Variants in KIAA0825 observed in about 807,000 individuals in gnomAD.
KIAA0825 encodes KIAA0825.
In KIAA0825, 119 loss-of-function variants were observed where a neutral mutation model predicts 147.6. That is an observed-to-expected ratio of 0.81 (90% CI 0.69 to 0.94). The LOEUF is 0.94. KIAA0825 is among the 40% of genes least tolerant of loss of function. The pLI, the probability that KIAA0825 is intolerant of heterozygous loss-of-function variation, is 0.00. For missense variants in KIAA0825, 1,381 were observed against 1,472.7 expected (o/e 0.94, Z 1.02); for synonymous variants, 470 against 518.1 (o/e 0.91, Z 1.26).
chr5:94,272,125 A>G (rs1174186006), intron 20 of KIAA0825, among the ~76,000 whole-genome samples: 1 of 151,368 alleles, frequency 6.6e-6, no homozygotes, highest in East Asian at 1.9e-4. Flanking sequence ...AAAAAAAAAA[A>G]AAAAAAACTA....
At chr5:94,355,915 T>A (rs1784191510) in intron 20 of KIAA0825, among the ~76,000 whole-genome samples, 1 of 152,200 alleles carries the variant, frequency 6.6e-6, no homozygotes, top group South Asian at 2.1e-4. Context: ...TGAAAACTAG[T>A]AAGAGAAAAG....
chr5:94,555,824 CAT>C (rs1459584893), intron 2 of KIAA0825, among the ~76,000 whole-genome samples: 7 of 152,270 alleles, frequency 4.6e-5, no homozygotes, highest in South Asian at 2.1e-4. Flanking sequence ...ATATATTTCA[CAT>C]GATTTCAAAG....
intron 20 of KIAA0825, among the ~76,000 whole-genome samples, chr5:94,243,945 A>C (rs185205748): frequency 4.1e-4 from 63 of 152,240 alleles, no homozygotes; most frequent in Non-Finnish European, 8.8e-5. Flanking sequence ...GGCTCTCCAG[A>C]GATATTTCAC....
chr5:94,520,041 T>C, intron 5 of KIAA0825: 1 of 1,133,998 alleles, frequency 8.8e-7, no homozygotes, highest in Non-Finnish European at 1.1e-6. Context: ...TTCCAATATC[T>C]TTAACAATTT....
At chr5:94,478,192 T>C (rs1405572182) in intron 6 of KIAA0825, among the ~76,000 whole-genome samples, 2 of 152,190 alleles carry the variant, frequency 1.3e-5, no homozygotes, top group African/African-American at 4.8e-5. Flanking sequence ...GTTGATGAAA[T>C]AGAAGTGTTT....
intron 20 of KIAA0825, among the ~76,000 whole-genome samples, chr5:94,214,774 A>T (rs1773053791): frequency 6.6e-6 from 1 of 152,220 alleles, no homozygotes; most frequent in Admixed American, 6.6e-5. Flanking sequence ...CCAGTTACTG[A>T]GCTTTAAGAC....
At chr5:94,372,257 GGGTCTGGA>G (rs1316288591) in intron 20 of KIAA0825, among the ~76,000 whole-genome samples, 31 of 152,164 alleles carry the variant, frequency 2.0e-4, no homozygotes, top group Admixed American at 2.0e-3. Flanking sequence ...TACTATTCTG[GGGTCTGGA>G]GGATAGTGGC....
intron 3 of KIAA0825, among the ~76,000 whole-genome samples, chr5:94,526,694 T>G (rs188791310): frequency 6.6e-6 from 1 of 152,202 alleles, no homozygotes; most frequent in East Asian, 1.9e-4. Flanking sequence ...CTGTAAAAAT[T>G]GCTTATTGAA....
chr5:94,343,046 C>T (rs564945479), intron 20 of KIAA0825, among the ~76,000 whole-genome samples: 17 of 152,046 alleles, frequency 1.1e-4, no homozygotes, highest in African/African-American at 3.6e-4. Context: ...ACAAGATGGA[C>T]AACATACCTT....
chr5:94,545,500 T>C (rs989683084), intron 2 of KIAA0825, among the ~76,000 whole-genome samples: 2 of 152,140 alleles, frequency 1.3e-5, no homozygotes, highest in African/African-American at 4.8e-5. Context: ...GGACTTTGTC[T>C]TGCATCTTGG....
intron 1 of KIAA0825, among the ~76,000 whole-genome samples, chr5:94,616,560 A>G (rs187738906): frequency 1.3e-5 from 2 of 152,284 alleles, no homozygotes; most frequent in African/African-American, 4.8e-5. Flanking sequence ...ACACACAAAT[A>G]TACATGTATA....
chr5:94,610,281 A>G (rs1193845643), intron 1 of KIAA0825, among the ~76,000 whole-genome samples: 1 of 151,664 alleles, frequency 6.6e-6, no homozygotes, highest in Non-Finnish European at 1.5e-5. Flanking sequence ...TTAGCTGGGC[A>G]TGGTGGCACA....
intron 20 of KIAA0825, among the ~76,000 whole-genome samples, chr5:94,219,625 A>G (rs1008523921): frequency 8.5e-5 from 13 of 152,202 alleles, no homozygotes; most frequent in South Asian, 2.1e-4. Context: ...ACATACCTAT[A>G]TAGTATAGTG....
chr5:94,530,653 G>A (rs1489212518), intron 3 of KIAA0825, among the ~76,000 whole-genome samples: 3 of 152,136 alleles, frequency 2.0e-5, no homozygotes, highest in African/African-American at 7.2e-5. Flanking sequence ...GTCTTTTCCT[G>A]GCAAAGTTGA....
intron 15 of KIAA0825, chr5:94,416,088 T>G (rs1262994853): frequency 6.6e-6 from 1 of 152,154 alleles, no homozygotes; most frequent in Non-Finnish European, 1.5e-5. Flanking sequence ...CCTTTTTACC[T>G]AGGAATATGC....
rs1027763492 is a variant in KIAA0825, at chr5:94,519,510, T to C, written c.970+738A>G. 9 of 700,722 alleles carry C rather than the reference T, an allele frequency of 1.3e-5. No homozygotes were observed. In the African/African-American group the frequency reaches 1.7e-4, roughly 14 times the overall value. 43.4% of individuals were successfully genotyped at this position (700,722 alleles called of 1,614,324 possible). On this transcript the variant is annotated intron_variant, in intron 5 of 20. Coordinates refer to ENST00000682413, the MANE Select transcript of KIAA0825 (RefSeq NM_001145678.3). ...TATCACAATAACTTCTTTCCTTTTT[T>C]CCTTTATCTTATGAATAAAATAGAA...
chr5:94,243,743 A>ACAT (rs1775470208), intron 20 of KIAA0825, among the ~76,000 whole-genome samples: 2 of 151,986 alleles, frequency 1.3e-5, no homozygotes, highest in Non-Finnish European at 2.9e-5. Context: ...CCTGCCCCAC[A>ACAT]CATCTAGGAA....
intron 1 of KIAA0825, among the ~76,000 whole-genome samples, chr5:94,607,852 G>A (rs1254290766): frequency 6.6e-6 from 1 of 152,104 alleles, no homozygotes; most frequent in Non-Finnish European, 1.5e-5. Context: ...AGCTTTAGAG[G>A]CTGCCCTCAT....
chr5:94,570,319 C>A (rs114417414), intron 2 of KIAA0825: 7,091 of 153,964 alleles, frequency 0.046, 236 homozygotes, highest in Non-Finnish European at 0.065. Context: ...CCCTGACTAA[C>A]CCCCTAAACA....
Sources: allele counts gnomAD v4.1 joint callset (sites outside exome capture counted in the v4.1 genomes callset), GRCh38; gene constraint gnomAD v4.1.1; transcripts MANE v1.5; gene names NCBI Gene and HGNC (gene_info 2026-07-23, HGNC 2026-07-21).